ZFC3H1: variants seen among roughly 807,000 people sequenced by gnomAD.
The protein encoded by ZFC3H1 is zinc finger C3H1-type containing, also known as zinc finger C3H1 domain-containing protein.
A neutral mutation model predicts 243.7 loss-of-function variants in ZFC3H1; 71 were observed. The ratio of observed to expected loss-of-function variants is 0.29; its 90% CI spans 0.24 to 0.36. The LOEUF (loss-of-function observed/expected upper bound fraction) is 0.36, where lower values mean the gene tolerates loss of function less well. Ranked by LOEUF, ZFC3H1 falls within the 10% of genes least tolerant of loss-of-function variation. The pLI, the probability that ZFC3H1 is intolerant of heterozygous loss-of-function variation, is 1.00. For synonymous variants in ZFC3H1, 838 were observed against 813.0 expected (o/e 1.03, Z -0.52); for missense variants, 1,966 against 2,317.1 (o/e 0.85, Z 3.11).
At chr12:71,627,670 CTGAT>C (rs1880203610) in intron 21 of ZFC3H1, 77 bp downstream of exon 21, 3 of 1,351,842 alleles carry the variant, frequency 2.2e-6, no homozygotes, top group South Asian at 2.8e-5. Context: ...AGAAACCTGA[CTGAT>C]TACCATAGGT....
Position 71,629,029 on chromosome 12 carries a change from A to G in ZFC3H1, c.3835T>C (p.Phe1279Leu), listed in dbSNP as rs1404563062. Residue 1279 changes from phenylalanine to leucine, a missense_variant, in exon 20 of 35, where the codon TTT becomes CTT. Physicochemically the swap from Phe to Leu is conservative, Grantham distance 22 (BLOSUM62 0). Transcript: ENST00000378743. ...INESKGHTPP[F>L]TTYKDKRKWK... is the part of the protein sequence containing the mutation. ...TTTCTTTTATCTTTGTAGGTTGTAA[A>G]TGGAGGAGCTAAAGTAGATAGGAGA... 6.2e-7 allele frequency: 1 copy of G among 1,609,186 alleles called. No individual in the cohort carries two copies. The highest frequency in any genetic ancestry group is 8.5e-7 in the Non-Finnish European group (1 of 1,178,652).
chr12:71,613,657 A>T, intron 30 of ZFC3H1: 1 of 367,294 alleles, frequency 2.7e-6, no homozygotes, highest in Non-Finnish European at 5.0e-6. Context: ...TGGGCAGAAC[A>T]CTGACAAGAA....
chr12:71,636,369 T>G (rs927820046), intron 9 of ZFC3H1, 121 bp downstream of exon 9: 6 of 709,716 alleles, frequency 8.5e-6, no homozygotes, highest in Middle Eastern at 4.5e-4. Flanking sequence ...AAAATTTGTA[T>G]TTATATGTGA....
rs866702380 is a variant in ZFC3H1, at chr12:71,635,087, G to A, written c.2239-262C>T. ...ACAACTACTGAAATAGGGAAAAAAC[G>A]ATAAAAGTTGTACTTAGAGAATACA... is the stretch of plus-strand genomic sequence containing the variant. On this transcript the variant is annotated intron_variant, in intron 10 of 34. Coordinates refer to ENST00000378743, the MANE Select transcript of ZFC3H1 (RefSeq NM_144982.5). Among the ~76,000 whole-genome samples, 8 of 152,072 alleles carry A rather than the reference G, an allele frequency of 5.3e-5. 2 individuals are homozygous for A. The South Asian group carries it at 8.3e-4, about 16-fold the overall frequency.
At chr12:71,646,807 T>G (rs1880740993) in intron 3 of ZFC3H1, among the ~76,000 whole-genome samples, 1 of 152,212 alleles carries the variant, frequency 6.6e-6, no homozygotes, top group Non-Finnish European at 1.5e-5. Context: ...AACCACTGAT[T>G]CTGTCACCCA....
intron 19 of ZFC3H1, among the ~76,000 whole-genome samples, chr12:71,629,347 A>C (rs1297185751): frequency 1.3e-5 from 2 of 151,854 alleles, no homozygotes; most frequent in Non-Finnish European, 2.9e-5. Context: ...TTCTATTTTT[A>C]GTAGAGACGG....
intron 7 of ZFC3H1, among the ~76,000 whole-genome samples, chr12:71,637,482 A>G (rs1056257099): frequency 6.6e-6 from 1 of 152,178 alleles, no homozygotes; most frequent in African/African-American, 2.4e-5. Flanking sequence ...GATTCTGTGA[A>G]TAATAGTCCA....
chr12:71,662,807 C>T (rs1881219836), intron 1 of ZFC3H1, among the ~76,000 whole-genome samples: 1 of 152,086 alleles, frequency 6.6e-6, no homozygotes, highest in South Asian at 2.1e-4. Flanking sequence ...ATCCACAGCA[C>T]GTTAATATAC....
In ZFC3H1 at chr12:71,644,010, ACTTC is replaced by A. The variant is rs1056166024; in HGVS notation, c.1503+81_1503+84del. The A allele has an allele frequency of 5.1e-5, 60 of 1,186,718 alleles. 2 individuals are homozygous for A. The highest frequency in any genetic ancestry group is 3.4e-4 in the South Asian group (22 of 65,006). The allele number at this position is 1,186,718 out of a possible 1,614,324, so 73.5% of individuals were successfully genotyped here. A position where few individuals can be genotyped will look rare whatever the true frequency, so the allele number is the denominator to read the frequency against. On this transcript the variant is annotated intron_variant, in intron 5 of 34. Coordinates refer to ENST00000378743, the MANE Select transcript of ZFC3H1 (RefSeq NM_144982.5). Reference sequence around the variant, plus strand: ...TTTCCAAGAGTTATTTATAAAATAAACTTCCTTATTTGACAGAATCTATGAAATA... The same window carrying A: ...TTTCCAAGAGTTATTTATAAAATAAACTTATTTGACAGAATCTATGAAATA...
intron 3 of ZFC3H1, 123 bp from the exon 4 acceptor site, chr12:71,645,198 C>G: frequency 1.2e-6 from 1 of 853,274 alleles, no homozygotes; most frequent in East Asian, 2.7e-5. Context: ...AAGGCAAATA[C>G]AGATAAAATA....
intron 27 of ZFC3H1, among the ~76,000 whole-genome samples, chr12:71,617,069 A>G (rs1879909606): frequency 6.6e-6 from 1 of 152,194 alleles, no homozygotes. Context: ...TGTCACATAG[A>G]GAGTTGACAG....
chr12:71,625,432 C>T (rs915942834), intron 22 of ZFC3H1, among the ~76,000 whole-genome samples: 1 of 152,204 alleles, frequency 6.6e-6, no homozygotes, highest in Non-Finnish European at 1.5e-5. Flanking sequence ...TGGCTCACAT[C>T]TATAGTCCCA....
chr12:71,610,417 G>A lies in ZFC3H1; in HGVS notation c.*11C>T. On this transcript the variant is annotated 3_prime_UTR_variant, in exon 35 of 35. Coordinates refer to ENST00000378743, the MANE Select transcript of ZFC3H1 (RefSeq NM_144982.5). Reference sequence around the variant, plus strand: ...TTATTATAAGGACTTAGAACTGACTGCACCCAGTGTTCAGTGATTCTTGCT... The same window carrying A: ...TTATTATAAGGACTTAGAACTGACTACACCCAGTGTTCAGTGATTCTTGCT... 6.2e-7 allele frequency: 1 copy of A among 1,611,626 alleles called. No individual in the cohort carries two copies. The highest frequency in any genetic ancestry group is 8.5e-7 in the Non-Finnish European group (1 of 1,178,784).
chr12:71,659,070 T>C (rs1385663510), intron 1 of ZFC3H1, among the ~76,000 whole-genome samples: 1 of 152,212 alleles, frequency 6.6e-6, no homozygotes, highest in Non-Finnish European at 1.5e-5. Flanking sequence ...TAAGTCTCCA[T>C]TGAGTCTTTT....
chr12:71,613,494 T>A (rs1230885223), intron 30 of ZFC3H1, 59 bp from the exon 31 acceptor site: 1 of 1,275,216 alleles, frequency 7.8e-7, no homozygotes, highest in African/African-American at 1.5e-5. Flanking sequence ...TCCAATTACC[T>A]ATGTGTTTTA....
At chr12:71,618,666 A>G (rs147397016) in intron 27 of ZFC3H1, among the ~76,000 whole-genome samples, 100 of 149,004 alleles carry the variant, frequency 6.7e-4, no homozygotes, top group Middle Eastern at 3.5e-3. Flanking sequence ...GGCTCTTAAG[A>G]AAAAAGTTTG....
At chr12:71,630,046 A>C (rs1880283418) in intron 18 of ZFC3H1, among the ~76,000 whole-genome samples, 1 of 152,120 alleles carries the variant, frequency 6.6e-6, no homozygotes, top group Admixed American at 6.5e-5. Context: ...AGTAATTATT[A>C]TTTTCTTTAC....
Position 71,626,238 on chromosome 12 carries a change from G to A in ZFC3H1, c.4317+22C>T, listed in dbSNP as rs772281631. ...CACACACACACACACACACACACAC[G>A]TACGTTATCTTTTCTACTCACAGTC... On this transcript the variant is annotated intron_variant, in intron 22 of 34. Coordinates refer to ENST00000378743, the MANE Select transcript of ZFC3H1 (RefSeq NM_144982.5). 638 of 1,203,822 alleles carry A rather than the reference G, an allele frequency of 5.3e-4. 1 individual carries two copies. Among genetic ancestry groups the A allele is most frequent in the Non-Finnish European group, 6.6e-4 (561 of 848,096 alleles). The allele number at this position is 1,203,822 out of a possible 1,614,324, so 74.6% of individuals were successfully genotyped here.
Position 71,610,251 on chromosome 12 carries a change from G to C in ZFC3H1, c.*177C>G, listed in dbSNP as rs536984786. ...CAGGAAGTTCATTTATCCAACCGAAGAGGATCATGTTCATTGCTTCCGGTT... is the reference window on the plus strand; with the variant it reads ...CAGGAAGTTCATTTATCCAACCGAACAGGATCATGTTCATTGCTTCCGGTT... On this transcript the variant is annotated 3_prime_UTR_variant, in exon 35 of 35. Transcript: ENST00000378743. 1.5e-6 allele frequency: 1 copy of C among 677,488 alleles called. No homozygotes were observed. The highest frequency in any genetic ancestry group is 1.8e-5 in the African/African-American group (1 of 54,620). 42.0% of individuals were successfully genotyped at this position (677,488 alleles called of 1,614,324 possible).
Sources: allele counts gnomAD v4.1 joint callset (sites outside exome capture counted in the v4.1 genomes callset), GRCh38; gene constraint gnomAD v4.1.1; transcripts MANE v1.5; gene names NCBI Gene and HGNC (gene_info 2026-07-23, HGNC 2026-07-21).